KDM2A: variants seen among roughly 807,000 people sequenced by gnomAD.
KDM2A encodes the protein lysine-specific demethylase 2A.
KDM2A carries 3 observed loss-of-function variants against 137.3 expected under a neutral mutation model. The observed-to-expected ratio is 0.02, with a 90% confidence interval of 0.01 to 0.06. The LOEUF (loss-of-function observed/expected upper bound fraction) is 0.06, where lower values mean the gene tolerates loss of function less well. Ranked by LOEUF, KDM2A falls within the 10% of genes least tolerant of loss-of-function variation. The pLI is 1.00. For synonymous variants in KDM2A, 512 were observed against 541.5 expected, an observed-to-expected ratio of 0.95 and a Z score of 0.76; for missense variants, 738 against 1,510.6, an observed-to-expected ratio of 0.49 and a Z score of 8.48.
At chr11:67,163,982 C>T (rs923147441) in intron 2 of KDM2A, among the ~76,000 whole-genome samples, 1 of 152,058 alleles carries the variant, frequency 6.6e-6, no homozygotes, top group Non-Finnish European at 1.5e-5. Context: ...GTAGGTCAGA[C>T]ACAGTGAGAG....
intron 2 of KDM2A, among the ~76,000 whole-genome samples, chr11:67,157,940 T>C (rs916567111): frequency 1.3e-5 from 2 of 152,068 alleles, no homozygotes; most frequent in African/African-American, 4.8e-5. Context: ...AAGAGAGAGA[T>C]ACATTGTTAT....
Position 67,245,025 on chromosome 11 carries a change from C to A in KDM2A, c.1564-164C>A. On this transcript the variant is annotated intron_variant, in intron 13 of 20. Transcript: ENST00000529006. The surrounding 1 kb of genome is among the most constrained non-coding windows in gnomAD (Gnocchi z 4.1). ...AAAGCAGCCATTGATAATACATACA[C>A]AAGATGAGTTGTGTGTCAATAAAAT... is the stretch of plus-strand genomic sequence containing the variant. 2 of 688,954 alleles carry A rather than the reference C, an allele frequency of 2.9e-6. No individual in the cohort carries two copies. Among genetic ancestry groups the A allele is most frequent in the African/African-American group, 1.8e-5 (1 of 55,446 alleles). The allele number at this position is 688,954 out of a possible 1,614,324, so 42.7% of individuals were successfully genotyped here.
At chr11:67,237,917 C>T (rs1440253962) in intron 12 of KDM2A, among the ~76,000 whole-genome samples, 1 of 148,034 alleles carries the variant, frequency 6.8e-6, no homozygotes, top group South Asian at 2.1e-4. Context: ...GAGACCCTGT[C>T]TGAAAAAAAA....
chr11:67,233,330 C>G (rs1858772422), intron 12 of KDM2A, among the ~76,000 whole-genome samples: 1 of 147,174 alleles, frequency 6.8e-6, no homozygotes, highest in African/African-American at 2.5e-5. Flanking sequence ...ACCAGCCTGG[C>G]CAACATGGTG....
chr11:67,236,459 T>A (rs1200462241), intron 12 of KDM2A, among the ~76,000 whole-genome samples: 1 of 152,210 alleles, frequency 6.6e-6, no homozygotes, highest in Non-Finnish European at 1.5e-5. Context: ...AGATTGTTGT[T>A]TTTGTTGGTA....
chr11:67,240,818 G>T (rs1859014542), intron 12 of KDM2A, among the ~76,000 whole-genome samples: 1 of 152,076 alleles, frequency 6.6e-6, no homozygotes, highest in Admixed American at 6.5e-5. Flanking sequence ...GGGCGTGCTT[G>T]GTTGAATGGC....
At chr11:67,186,733 C>T (rs1857215730) in intron 5 of KDM2A, among the ~76,000 whole-genome samples, 1 of 152,132 alleles carries the variant, frequency 6.6e-6, no homozygotes, top group African/African-American at 2.4e-5. Flanking sequence ...TGTAGCCCCA[C>T]ATTTTATTTT....
intron 6 of KDM2A, among the ~76,000 whole-genome samples, chr11:67,214,189 C>T (rs1311420786): frequency 1.1e-4 from 16 of 144,464 alleles, no homozygotes; most frequent in Non-Finnish European, 2.4e-4. Context: ...TACAGGCATG[C>T]GCCACCATGC....
intron 5 of KDM2A, among the ~76,000 whole-genome samples, chr11:67,204,320 C>G (rs558897264): frequency 1.3e-5 from 2 of 152,194 alleles, no homozygotes; most frequent in Admixed American, 6.5e-5. Context: ...TCACCCCAAA[C>G]AAACTCCATA....
At chr11:67,211,068 A>G (rs1857962250) in intron 6 of KDM2A, among the ~76,000 whole-genome samples, 1 of 152,078 alleles carries the variant, frequency 6.6e-6, no homozygotes, top group Non-Finnish European at 1.5e-5. Context: ...AAACAAACAA[A>G]CAAACAAAAA....
chr11:67,143,800 T>C (rs1856178589), intron 2 of KDM2A, among the ~76,000 whole-genome samples: 3 of 151,648 alleles, frequency 2.0e-5, no homozygotes, highest in Admixed American at 2.0e-4. Context: ...GCCCAACTAA[T>C]TTCTGTATTT....
chr11:67,249,994 G>T, intron 16 of KDM2A, 92 bp from the exon 17 acceptor site: 1 of 1,044,970 alleles, frequency 9.6e-7, no homozygotes, highest in Non-Finnish European at 1.4e-6. Context: ...CTTCTCTCTG[G>T]TCCCCTGAGA....
intron 2 of KDM2A, among the ~76,000 whole-genome samples, chr11:67,157,544 A>G (rs1856545871): frequency 6.6e-6 from 1 of 151,854 alleles, no homozygotes; most frequent in Non-Finnish European, 1.5e-5. Flanking sequence ...CAGGGGTTCA[A>G]GACCAGCCTG....
intron 2 of KDM2A, among the ~76,000 whole-genome samples, chr11:67,137,423 T>A (rs1855992686): frequency 6.6e-6 from 1 of 152,144 alleles, no homozygotes; most frequent in Non-Finnish European, 1.5e-5. Context: ...GACAATGATG[T>A]GGTATGGTTG....
chr11:67,203,072 A>G (rs938504356), intron 5 of KDM2A, among the ~76,000 whole-genome samples: 1 of 151,876 alleles, frequency 6.6e-6, no homozygotes, highest in Non-Finnish European at 1.5e-5. Flanking sequence ...ATCCACCCCA[A>G]CCTTCAGCAA....
chr11:67,211,642 AAT>A (rs1202016618), intron 6 of KDM2A, among the ~76,000 whole-genome samples: 1 of 139,046 alleles, frequency 7.2e-6, no homozygotes, highest in African/African-American at 2.7e-5. Flanking sequence ...AAAAAAAAAG[AAT>A]ATATATATAA....
chr11:67,243,282 C>T (rs759507489), intron 13 of KDM2A, among the ~76,000 whole-genome samples, 190 bp downstream of exon 13: 3 of 152,110 alleles, frequency 2.0e-5, no homozygotes, highest in Non-Finnish European at 2.9e-5. Flanking sequence ...TGGAGGTGAC[C>T]TCTCTTAACA....
intron 15 of KDM2A, among the ~76,000 whole-genome samples, chr11:67,248,002 G>A (rs2136456677): frequency 6.6e-6 from 1 of 152,252 alleles, no homozygotes; most frequent in African/African-American, 2.4e-5. Context: ...AGTTCCTGAG[G>A]GAAAGTGAAG....
chr11:67,192,433 CTTTTTTTTTTT>C (rs921321640), intron 5 of KDM2A, among the ~76,000 whole-genome samples: 19 of 70,558 alleles, frequency 2.7e-4, no homozygotes, highest in African/African-American at 6.8e-4. Flanking sequence ...GTTTCCATTT[CTTTTTTTTTTT>C]TTTTTTTTTT....
Sources: allele counts gnomAD v4.1 joint callset (sites outside exome capture counted in the v4.1 genomes callset), GRCh38; gene constraint gnomAD v4.1.1; non-coding constraint Gnocchi (gnomAD v3.1); transcripts MANE v1.5; gene names NCBI Gene and HGNC (gene_info 2026-07-23, HGNC 2026-07-21).